ZNF716: variants seen among roughly 807,000 people sequenced by gnomAD.
ZNF716 encodes zinc finger protein 716.
Under a neutral mutation model 13.4 loss-of-function variants are expected in ZNF716, and 9 were observed. The observed-to-expected ratio is 0.67, with a 90% CI of 0.41 to 1.18. The LOEUF (loss-of-function observed/expected upper bound fraction) is 1.18, where lower values mean the gene tolerates loss of function less well. ZNF716 is among the 50% of genes most tolerant of loss of function. The pLI, the probability that ZNF716 is intolerant of heterozygous loss-of-function variation, is 0.01. For synonymous variants in ZNF716, 186 were observed against 195.2 expected, an observed-to-expected ratio of 0.95 and a Z score of 0.39; for missense variants, 581 against 576.6, an observed-to-expected ratio of 1.01 and a Z score of -0.08.
chr7:57,465,144 G>A (rs1228368452), intron 3 of ZNF716, among the ~76,000 whole-genome samples: 3 of 151,928 alleles, frequency 2.0e-5, no homozygotes, highest in Non-Finnish European at 4.4e-5. Context: ...CACCACTGTG[G>A]GTTATCTTAA....
At chr7:57,466,483 T>C (rs1248623260) in intron 3 of ZNF716, among the ~76,000 whole-genome samples, 1 of 150,948 alleles carries the variant, frequency 6.6e-6, no homozygotes, top group Non-Finnish European at 1.5e-5. Context: ...CTCTATTAAT[T>C]CACATGAGAG....
Position 57,468,824 on chromosome 7 carries a change from G to A in ZNF716, c.363G>A (p.Glu121=). 2 of 1,613,720 alleles carry A rather than the reference G, an allele frequency of 1.2e-6. No individual in the cohort carries two copies. The highest frequency in any genetic ancestry group is 1.7e-6 in the Non-Finnish European group (2 of 1,179,874). ...GAAGATATGGAAAATGTGGACAGGA[G>A]GATTTACAAGTAAAAAAATGCTGTA... ...ILRRYGKCGQ[E]DLQVKKCCKS... is the part of the protein sequence containing the mutation. The change falls in exon 4 of 4, where the codon GAG becomes GAA. Residue 121 remains glutamate (E), a synonymous_variant. Transcript: ENST00000420713.
intron 1 of ZNF716, 47 bp from the exon 2 acceptor site, chr7:57,462,413 T>G (rs782674937): frequency 1.3e-6 from 2 of 1,590,834 alleles, no homozygotes; most frequent in Admixed American, 3.6e-5. Context: ...GGTAACTGTT[T>G]GTGTGTTCAT....
At chr7:57,463,009 T>A in intron 2 of ZNF716, 64 bp from the exon 3 acceptor site, 1 of 1,585,786 alleles carries the variant, frequency 6.3e-7, no homozygotes, top group Admixed American at 1.8e-5. Context: ...CTAAGCATAA[T>A]ACTTGTTTGG....
In ZNF716 at chr7:57,472,845, A is replaced by C. The variant is rs1562681481; in HGVS notation, c.*2896A>C. 6.6e-6 allele frequency: 1 copy of C among 151,520 alleles called. No homozygotes were observed. The highest frequency in any genetic ancestry group is 2.4e-5 in the African/African-American group (1 of 41,216). The allele number at this position is 151,520 out of a possible 1,614,324, so 9.4% of individuals were successfully genotyped here. A position where few individuals can be genotyped will look rare whatever the true frequency, so the allele number is the denominator to read the frequency against. On this transcript the variant is annotated 3_prime_UTR_variant, in exon 4 of 4. Coordinates refer to ENST00000420713, the MANE Select transcript of ZNF716 (RefSeq NM_001159279.1). ...AATTTGTACTTTTTTACCTTATTTAATTTTTTTTTAATTTTTGTGGGTAGT... is the reference window on the plus strand; with the variant it reads ...AATTTGTACTTTTTTACCTTATTTACTTTTTTTTTAATTTTTGTGGGTAGT...
chr7:57,462,937 G>T, intron 2 of ZNF716, 136 bp from the exon 3 acceptor site: 3 of 1,265,758 alleles, frequency 2.4e-6, no homozygotes, highest in Non-Finnish European at 2.1e-6. Context: ...TTTCTAAATA[G>T]CTACAAAGAT....
intron 3 of ZNF716, among the ~76,000 whole-genome samples, chr7:57,464,450 AATT>A (rs1789769901): frequency 6.7e-6 from 1 of 149,736 alleles, no homozygotes; most frequent in Non-Finnish European, 1.5e-5. Flanking sequence ...CATGTAATTC[AATT>A]ATTATTCTCT....
chr7:57,460,954 G>T (rs1322616208), intron 1 of ZNF716, among the ~76,000 whole-genome samples: 42 of 140,662 alleles, frequency 3.0e-4, no homozygotes, highest in Non-Finnish European at 1.6e-4. Context: ...CTTCAACTTT[G>T]CAGAAAACTG....
In ZNF716 at chr7:57,450,265, T is replaced by C; in HGVS notation, c.-24T>C. On this transcript the variant is annotated 5_prime_UTR_variant, in exon 1 of 4. Coordinates refer to ENST00000420713, the MANE Select transcript of ZNF716 (RefSeq NM_001159279.1). ...TGGAGGCCAAGCCTCTGTGGCCTTG[T>C]GTCCTGCAAGTATTCGCAGATTTAT... 1 of 1,613,954 alleles carries C rather than the reference T, an allele frequency of 6.2e-7. No individual in the cohort carries two copies. The highest frequency in any genetic ancestry group is 1.1e-5 in the South Asian group (1 of 91,070).
At chr7:57,465,432 A>G (rs1789788538) in intron 3 of ZNF716, among the ~76,000 whole-genome samples, 1 of 152,012 alleles carries the variant, frequency 6.6e-6, no homozygotes, top group Non-Finnish European at 1.5e-5. Flanking sequence ...GGCTCACCGC[A>G]GCCTCAACCT....
At chr7:57,452,925 C>T (rs920021007) in intron 1 of ZNF716, among the ~76,000 whole-genome samples, 2 of 151,916 alleles carry the variant, frequency 1.3e-5, no homozygotes, top group South Asian at 2.1e-4. Context: ...GAATAGCATG[C>T]GGTATGAAGT....
intron 1 of ZNF716, among the ~76,000 whole-genome samples, chr7:57,454,357 AATTTTTCTGG>A (rs1445036044): frequency 1.3e-5 from 2 of 152,226 alleles, no homozygotes; most frequent in East Asian, 3.8e-4. Flanking sequence ...GCATTTCAGT[AATTTTTCTGG>A]ATTTATCACC....
At chr7:57,467,234 TA>T (rs1789832835) in intron 3 of ZNF716, among the ~76,000 whole-genome samples, 2 of 152,162 alleles carry the variant, frequency 1.3e-5, no homozygotes, top group African/African-American at 4.8e-5. Context: ...TTTATGCTTA[TA>T]TCTTTCAAAT....
intron 3 of ZNF716, among the ~76,000 whole-genome samples, chr7:57,463,645 A>G (rs547733945): frequency 8.8e-5 from 13 of 147,468 alleles, no homozygotes; most frequent in Admixed American, 2.1e-4. Flanking sequence ...AATTTTTTTT[A>G]CAATTTTTTT....
intron 3 of ZNF716, among the ~76,000 whole-genome samples, chr7:57,466,051 G>A (rs1451141692): frequency 2.6e-5 from 4 of 151,846 alleles, no homozygotes; most frequent in African/African-American, 9.7e-5. Context: ...GGGGGGAGTG[G>A]GGAGGGATAG....
At chr7:57,457,619 C>T (rs1418537294) in intron 1 of ZNF716, among the ~76,000 whole-genome samples, 1 of 152,164 alleles carries the variant, frequency 6.6e-6, no homozygotes, top group Non-Finnish European at 1.5e-5. Flanking sequence ...GCTGGGATTA[C>T]AGTCATGAGC....
Position 57,461,341 on chromosome 7 carries a change from C to T in ZNF716, c.40-1119C>T, listed in dbSNP as rs143384121. Among the ~76,000 whole-genome samples the T allele has an allele frequency of 7.2e-3, 1,089 of 152,260 alleles. 20 individuals are homozygous for T. The highest frequency in any genetic ancestry group is 0.024 in the African/African-American group (1,003 of 41,560). On this transcript the variant is annotated intron_variant, in intron 1 of 3. Coordinates refer to ENST00000420713, the MANE Select transcript of ZNF716 (RefSeq NM_001159279.1). ...AAGAAATACCACAGCAGTGATGTTG[C>T]GTCCTGTGTGCATCAGCACATAATA... is the stretch of plus-strand genomic sequence containing the variant.
chr7:57,464,714 C>CTT (rs34465678), intron 3 of ZNF716, among the ~76,000 whole-genome samples: 5 of 151,662 alleles, frequency 3.3e-5, no homozygotes, highest in African/African-American at 7.3e-5. Context: ...AGTTTCGTTA[C>CTT]TTTTTTTTCA....
chr7:57,467,993 G>T (rs1298742170), intron 3 of ZNF716, among the ~76,000 whole-genome samples: 1 of 151,874 alleles, frequency 6.6e-6, no homozygotes, highest in African/African-American at 2.4e-5. Flanking sequence ...CTTTGGTTGA[G>T]ATTTAGACAT....
Sources: gnomAD v4.1 joint callset for allele counts (sites outside exome capture counted in the v4.1 genomes callset) on GRCh38, gnomAD v4.1.1 for gene constraint, MANE v1.5 for transcripts, NCBI Gene and HGNC (gene_info 2026-07-23, HGNC 2026-07-21) for gene names.